ADGRL2: variants seen among roughly 807,000 people sequenced by gnomAD.
The protein encoded by ADGRL2 is adhesion G protein-coupled receptor L2, also known as calcium-independent alpha-latrotoxin receptor 2.
A neutral mutation model predicts 157.4 loss-of-function variants in ADGRL2; 44 were observed. The ratio of observed to expected loss-of-function variants is 0.28; its 90% CI spans 0.22 to 0.36. The LOEUF (loss-of-function observed/expected upper bound fraction) is 0.36. Ranked by LOEUF, ADGRL2 falls within the 10% of genes least tolerant of loss-of-function variation. The pLI, the probability that ADGRL2 is intolerant of heterozygous loss-of-function variation, is 1.00. For synonymous variants in ADGRL2, 585 were observed against 624.7 expected (o/e 0.94, Z 0.95); for missense variants, 1,510 against 1,768.9 (o/e 0.85, Z 2.63).
At chr1:81,741,990 T>A (rs566609888) in intron 1 of ADGRL2, among the ~76,000 whole-genome samples, 1 of 152,142 alleles carries the variant, frequency 6.6e-6, no homozygotes, top group Non-Finnish European at 1.5e-5. Flanking sequence ...TATATTTTAC[T>A]ATTTGTATGA....
intron 1 of ADGRL2, among the ~76,000 whole-genome samples, chr1:81,750,198 A>G (rs1216891110): frequency 2.0e-5 from 3 of 152,144 alleles, no homozygotes; most frequent in Non-Finnish European, 2.9e-5. Context: ...TGAAGCTGGG[A>G]CAAGTAAGGT....
At chr1:81,597,222 A>G (rs2081253300) in intron 3 of ADGRL2, among the ~76,000 whole-genome samples, 1 of 152,106 alleles carries the variant, frequency 6.6e-6, no homozygotes, top group South Asian at 2.1e-4. Context: ...GTAGCAGTTA[A>G]AAAGTTCTCT....
chr1:81,828,899 C>G (rs185070114), intron 1 of ADGRL2, among the ~76,000 whole-genome samples: 19 of 151,044 alleles, frequency 1.3e-4, no homozygotes, highest in Admixed American at 1.3e-3. Flanking sequence ...TCATCTAAAT[C>G]TCCTCATATT....
intron 2 of ADGRL2, among the ~76,000 whole-genome samples, chr1:81,504,639 G>A (rs1238431455): frequency 5.3e-5 from 8 of 152,166 alleles, no homozygotes; most frequent in Admixed American, 2.6e-4. Flanking sequence ...CAGGGGAGAC[G>A]ACTCAGGGAT....
intron 3 of ADGRL2, among the ~76,000 whole-genome samples, chr1:81,915,766 C>T (rs181560379): frequency 6.6e-6 from 1 of 152,186 alleles, no homozygotes; most frequent in East Asian, 1.9e-4. Flanking sequence ...GAAACCAAAG[C>T]GGAGAGATGA....
In ADGRL2 at chr1:81,991,078, A is replaced by T; in HGVS notation, c.4343A>T (p.Asn1448Ile). The change falls in exon 24 of 24, where the codon AAC becomes ATC. Residue 1448 changes from asparagine (N) to isoleucine (I), a missense_variant. Coordinates refer to ENST00000686636, the MANE Select transcript of ADGRL2 (RefSeq NM_001366006.2). ...AGTGATGGTTATATAATCCCCATTA[A>T]CAAAGAAGGGTGTATTCCAGAAGGA... ...GNSDGYIIPI[N>I]KEGCIPEGDV... 6.2e-7 allele frequency: 1 copy of T among 1,613,488 alleles called. No individual in the cohort carries two copies. Among genetic ancestry groups the T allele is most frequent in the Non-Finnish European group, 8.5e-7 (1 of 1,179,802 alleles).
chr1:81,457,385 T>G (rs2077829577), intron 2 of ADGRL2, among the ~76,000 whole-genome samples: 1 of 152,144 alleles, frequency 6.6e-6, no homozygotes, highest in Admixed American at 6.5e-5. Flanking sequence ...ATTAATTTAT[T>G]TTTTGAATGC....
intron 2 of ADGRL2, among the ~76,000 whole-genome samples, chr1:81,570,483 G>T (rs1387260499): frequency 1.3e-5 from 2 of 152,136 alleles, no homozygotes; most frequent in Non-Finnish European, 2.9e-5. Context: ...CTGCCTCCCA[G>T]GTTCAAGCAA....
intron 2 of ADGRL2, among the ~76,000 whole-genome samples, chr1:81,547,542 G>C (rs1056754260): frequency 1.3e-5 from 2 of 152,170 alleles, no homozygotes; most frequent in Non-Finnish European, 2.9e-5. Flanking sequence ...TTTCATTTAA[G>C]ACTCGCTAGT....
chr1:81,695,465 A>T (rs1472716810), upstream of ADGRL2, among the ~76,000 whole-genome samples: 1 of 152,138 alleles, frequency 6.6e-6, no homozygotes, highest in African/African-American at 2.4e-5. Context: ...ACCTTGCCTT[A>T]TATTGCTATT....
chr1:81,717,457 TC>T (rs1409963403), intron 1 of ADGRL2, among the ~76,000 whole-genome samples: 5 of 152,210 alleles, frequency 3.3e-5, no homozygotes, highest in African/African-American at 9.6e-5. Flanking sequence ...AAGTGAAATG[TC>T]AATAGGCTTC....
intron 2 of ADGRL2, among the ~76,000 whole-genome samples, chr1:81,774,798 G>A (rs140630544): frequency 5.3e-4 from 81 of 151,802 alleles, no homozygotes; most frequent in African/African-American, 1.8e-3. Flanking sequence ...TTGAAGTTAT[G>A]TTTATATATA....
rs1427896297 is a variant in ADGRL2, at chr1:81,943,441, G to A, written c.882G>A (p.Gln294=). ...ACAATGGAATGATAGTTATTAGCCA[G>A]CTGAATCCATACACTCTTCGATTTG... ...EQNNGMIVIS[Q]LNPYTLRFEA... is the part of the protein sequence containing the mutation. Residue 294 remains glutamine, a synonymous_variant, in exon 6 of 24, where the codon CAG becomes CAA. Coordinates refer to ENST00000686636, the MANE Select transcript of ADGRL2 (RefSeq NM_001366006.2). The surrounding 1 kb of genome is among the most constrained non-coding windows in gnomAD (Gnocchi z 5.6). The A allele has an allele frequency of 6.2e-7, 1 of 1,613,716 alleles. No homozygotes were observed.
rs547579021 is a variant in ADGRL2 at position 81,381,358 on chromosome 1, T to G, written c.-301-63678T>G. Among the ~76,000 whole-genome samples, 15 of 152,300 alleles carry G rather than the reference T, an allele frequency of 9.8e-5. No homozygotes were observed. In the South Asian group the frequency reaches 2.1e-3, roughly 21 times the overall value. On this transcript the variant is annotated intron_variant, in intron 1 of 24. Transcript: ENST00000370721. ...AGGGATCTTAATCTTATTCCTCATT[T>G]TCATCATTAAATAATGGCTGTTGGT...
chr1:81,640,287 C>T (rs1235697868), intron 3 of ADGRL2, among the ~76,000 whole-genome samples: 4 of 152,064 alleles, frequency 2.6e-5, no homozygotes, highest in Non-Finnish European at 4.4e-5. Flanking sequence ...GTCATGCTCT[C>T]ACTGAGGTGA....
chr1:81,792,649 T>C (rs143804167), intron 2 of ADGRL2, among the ~76,000 whole-genome samples: 61 of 152,248 alleles, frequency 4.0e-4, no homozygotes, highest in African/African-American at 1.3e-3. Flanking sequence ...TTTTAATGAA[T>C]TAATACTTTC....
At chr1:81,626,607 G>T (rs2081915248) in intron 3 of ADGRL2, among the ~76,000 whole-genome samples, 1 of 152,224 alleles carries the variant, frequency 6.6e-6, no homozygotes, top group African/African-American at 2.4e-5. Flanking sequence ...TATAAAACAG[G>T]ACAAGTGGTA....
chr1:81,384,114 A>C (rs1331038056), intron 1 of ADGRL2, among the ~76,000 whole-genome samples: 1 of 152,186 alleles, frequency 6.6e-6, no homozygotes, highest in African/African-American at 2.4e-5. Flanking sequence ...GCAAAGATAT[A>C]TGTCAAACTG....
intron 2 of ADGRL2, among the ~76,000 whole-genome samples, chr1:81,848,700 C>T (rs1021248304): frequency 1.3e-5 from 2 of 151,870 alleles, no homozygotes; most frequent in African/African-American, 4.8e-5. Context: ...ACCAATCATG[C>T]TAACACTTCA....
Sources: allele counts gnomAD v4.1 joint callset (sites outside exome capture counted in the v4.1 genomes callset), GRCh38; gene constraint gnomAD v4.1.1; non-coding constraint Gnocchi (gnomAD v3.1); transcripts MANE v1.5; gene names NCBI Gene and HGNC (gene_info 2026-07-23, HGNC 2026-07-21).